Variants in CEP152 observed in about 807,000 individuals in gnomAD.
CEP152 encodes centrosomal protein of 152 kDa.
CEP152 carries 132 observed loss-of-function variants against 188.9 expected under a neutral mutation model. The observed-to-expected ratio is 0.70, with a 90% CI of 0.61 to 0.81. The LOEUF (loss-of-function observed/expected upper bound fraction) is 0.81, where lower values mean the gene tolerates loss of function less well. Among genes scored for constraint, CEP152 ranks in the 30% least tolerant of loss-of-function variants. The pLI is 0.00. For missense variants in CEP152, 1,914 were observed against 1,969.8 expected, an observed-to-expected ratio of 0.97 and a Z score of 0.54; for synonymous variants, 649 against 666.6, an observed-to-expected ratio of 0.97 and a Z score of 0.41.
In CEP152 at chr15:48,768,936, T is replaced by C. The variant is rs945438483; in HGVS notation, c.1908+20A>G. The C allele has an allele frequency of 2.1e-6, 3 of 1,430,518 alleles. No homozygotes were observed. Among genetic ancestry groups the C allele is most frequent in the Admixed American group, 2.0e-5 (1 of 49,540 alleles). The allele number at this position is 1,430,518 out of a possible 1,614,324, so 88.6% of individuals were successfully genotyped here. ...AGGAAATAAAAATTCTCATAAAATA[T>C]AAAAAATATTTTTAATCACCTGATT... On this transcript the variant is annotated intron_variant, in intron 14 of 26. Transcript: ENST00000380950.
At chr15:48,771,959 A>G (rs1895561614) in intron 13 of CEP152, among the ~76,000 whole-genome samples, 1 of 152,230 alleles carries the variant, frequency 6.6e-6, no homozygotes, top group African/African-American at 2.4e-5. Flanking sequence ...TACTGAATGC[A>G]CATAACTTTT....
Position 48,769,048 on chromosome 15 carries a change from G to T in CEP152, c.1816C>A (p.Gln606Lys), listed in dbSNP as rs772017489. The part of the protein sequence containing the change: ...KTDTSEKPKN[Q>K]LWPESSTSDV... ...GAAGTAGAAGACTCAGGCCATAATT[G>T]ATTCTTTGGTTTTTCTGAGGTATCT... The change falls in exon 14 of 27, where the codon CAA (glutamine) becomes AAA (lysine). Residue 606 changes from glutamine (Q) to lysine (K), a missense_variant. Gln to Lys is a moderately conservative substitution (Grantham distance 53). Transcript: ENST00000380950. The T allele has an allele frequency of 3.9e-5, 62 of 1,605,824 alleles. No individual in the cohort carries two copies. Among genetic ancestry groups the T allele is most frequent in the Non-Finnish European group, 4.6e-5 (54 of 1,173,400 alleles).
intron 9 of CEP152, among the ~76,000 whole-genome samples, chr15:48,787,163 G>GTTTTTGTT (rs1555425524): frequency 7.9e-5 from 8 of 101,522 alleles, no homozygotes; most frequent in South Asian, 7.1e-4. Context: ...TATAGCCTTC[G>GTTTTTGTT]TTTTTTTTTT....
At chr15:48,755,242 A>T (rs1894171973) in intron 20 of CEP152, among the ~76,000 whole-genome samples, 1 of 152,196 alleles carries the variant, frequency 6.6e-6, no homozygotes, top group South Asian at 2.1e-4. Flanking sequence ...GTACATCCAG[A>T]AACTGGGCTT....
Position 48,765,636 on chromosome 15 carries a change from ATTTTTTTTTT to A in CEP152, c.2280+1414_2280+1423del, listed in dbSNP as rs34837739. The A allele has an allele frequency of 1.3e-3, 242 of 189,436 alleles. 2 individuals are homozygous for A. Among genetic ancestry groups the A allele is most frequent in the African/African-American group, 0.012 (188 of 15,720 alleles). The allele number at this position is 189,436 out of a possible 1,614,324, so 11.7% of individuals were successfully genotyped here. A position where few individuals can be genotyped will look rare whatever the true frequency, so the allele number is the denominator to read the frequency against. On this transcript the variant is annotated intron_variant, in intron 17 of 26. Transcript: ENST00000380950. ...GAAAATTCCTCTTATGTTCTTGCCAATTTTTTTTTTTTTTTTTTTTTTTTTTTTTTTTTGA... is the reference window on the plus strand; with the variant it reads ...GAAAATTCCTCTTATGTTCTTGCCAATTTTTTTTTTTTTTTTTTTTTTTGA...
intron 9 of CEP152, 38 bp downstream of exon 9, chr15:48,788,763 C>T (rs1290585580): frequency 2.6e-6 from 4 of 1,560,414 alleles, no homozygotes; most frequent in African/African-American, 1.4e-5. Flanking sequence ...ACCAGCTTTA[C>T]TTGTTGATAA....
intron 21 of CEP152, among the ~76,000 whole-genome samples, chr15:48,751,666 G>C (rs1184099894): frequency 6.6e-6 from 1 of 152,146 alleles, no homozygotes; most frequent in African/African-American, 2.4e-5. Flanking sequence ...TGTGTGGGGA[G>C]GAAAGGAGTA....
rs1053243155 is a variant in CEP152, at chr15:48,781,246, A to G, written c.1527T>C (p.Tyr509=). 8.7e-6 allele frequency: 14 copies of G among 1,613,426 alleles called. No individual in the cohort carries two copies. The highest frequency in any genetic ancestry group is 1.3e-5 in the African/African-American group (1 of 74,904). ...TGACCTTTTTAATACCCAAATCCAC[A>G]TACGATTCAGTGAGTTCTATATTTA... is the stretch of plus-strand genomic sequence containing the variant. ...GELNIELTES[Y]VDLGIKKVNW... Residue 509 remains tyrosine (Y), a synonymous_variant, in exon 12 of 27, where the codon TAT becomes TAC. Transcript: ENST00000380950.
At chr15:48,805,313 G>GA (rs1247001608) in intron 2 of CEP152, among the ~76,000 whole-genome samples, 4 of 152,080 alleles carry the variant, frequency 2.6e-5, no homozygotes, top group Admixed American at 2.6e-4. Context: ...CCTCCTAAAT[G>GA]AAAAGAAAAA....
At chr15:48,788,287 C>G (rs1242751909) in intron 9 of CEP152, among the ~76,000 whole-genome samples, 1 of 150,888 alleles carries the variant, frequency 6.6e-6, no homozygotes, top group Non-Finnish European at 1.5e-5. Flanking sequence ...CAAAAGTATA[C>G]CTTTAGGATG....
At chr15:48,751,807 C>G (rs1217592543) in intron 21 of CEP152, among the ~76,000 whole-genome samples, 1 of 152,078 alleles carries the variant, frequency 6.6e-6, no homozygotes, top group Non-Finnish European at 1.5e-5. Flanking sequence ...ACAAGCGGCT[C>G]TAGTACAGTA....
chr15:48,768,818 C>T (rs540387572), intron 14 of CEP152, 138 bp downstream of exon 14: 1 of 642,868 alleles, frequency 1.6e-6, no homozygotes, highest in African/African-American at 1.8e-5. Context: ...AGGGAAGTAA[C>T]TGGAACTCAT....
chr15:48,780,752 C>T (rs186004354), intron 12 of CEP152, among the ~76,000 whole-genome samples: 22 of 152,274 alleles, frequency 1.4e-4, no homozygotes, highest in Admixed American at 1.4e-3. Context: ...CCAGAAAACA[C>T]GTAAGCTCCC....
intron 2 of CEP152, among the ~76,000 whole-genome samples, chr15:48,801,181 T>C (rs187971877): frequency 6.6e-6 from 1 of 152,196 alleles, no homozygotes; most frequent in African/African-American, 2.4e-5. Flanking sequence ...GATTCTGATA[T>C]TTTCAAATAT....
chr15:48,743,557 A>G (rs1211760605), intron 24 of CEP152, among the ~76,000 whole-genome samples: 1 of 152,212 alleles, frequency 6.6e-6, no homozygotes, highest in Non-Finnish European at 1.5e-5. Flanking sequence ...CCACTTCTAC[A>G]GTCCTTAAAA....
At chr15:48,765,146 G>A (rs1424230492) in intron 17 of CEP152, among the ~76,000 whole-genome samples, 1 of 152,102 alleles carries the variant, frequency 6.6e-6, no homozygotes, top group Non-Finnish European at 1.5e-5. Context: ...TCCCAGAGAG[G>A]GAAGAAATTA....
chr15:48,745,353 C>T lies in CEP152; in HGVS notation c.3635-361G>A, dbSNP rs1213571171. Among the ~76,000 whole-genome samples, 8 of 151,916 alleles carry T rather than the reference C, an allele frequency of 5.3e-5. No individual in the cohort carries two copies. The South Asian group carries it at 6.2e-4, about 12-fold the overall frequency. On this transcript the variant is annotated intron_variant, in intron 22 of 26. Transcript: ENST00000380950. The stretch of plus-strand genomic sequence containing the variant: ...GGTAGACAGTTTATGCTCATATAAA[C>T]GATCATTGAACATGCACCTCGATAT...
chr15:48,738,848 G>A lies in CEP152; in HGVS notation c.4534C>T (p.Pro1512Ser), dbSNP rs777948542. Residue 1512 changes from proline to serine, a missense_variant, in exon 27 of 27, where the codon CCT becomes TCT. Transcript: ENST00000380950. ...LGNKPSPRCT[P>S]GPSESGCMHI... ...ATGCATCCTGATTCAGAAGGACCAG[G>A]GGTACATCTAGGTGAGGGTTTATTT... 9 of 1,614,142 alleles carry A rather than the reference G, an allele frequency of 5.6e-6. No individual in the cohort carries two copies. The highest frequency in any genetic ancestry group is 1.7e-5 in the Admixed American group (1 of 60,026).
At chr15:48,788,493 C>T (rs1896806846) in intron 9 of CEP152, among the ~76,000 whole-genome samples, 1 of 151,624 alleles carries the variant, frequency 6.6e-6, no homozygotes, top group African/African-American at 2.4e-5. Context: ...ACCACTGCGC[C>T]CGGCTAATTT....
Sources: allele counts gnomAD v4.1 joint callset (sites outside exome capture counted in the v4.1 genomes callset), GRCh38; gene constraint gnomAD v4.1.1; transcripts MANE v1.5; gene names NCBI Gene and HGNC (gene_info 2026-07-23, HGNC 2026-07-21).